Variants in MACROD2 observed in about 807,000 individuals in gnomAD.
The protein encoded by MACROD2 is ADP-ribose glycohydrolase MACROD2.
In MACROD2, 36 loss-of-function variants were observed where a neutral mutation model predicts 70.4. That is an observed-to-expected ratio of 0.51 (90% confidence interval 0.39 to 0.68). The LOEUF (loss-of-function observed/expected upper bound fraction) is 0.68. Among genes scored for constraint, MACROD2 ranks in the 30% least tolerant of loss-of-function variants. MACROD2 has a pLI of 0.00. For synonymous variants in MACROD2, 172 were observed against 178.8 expected (o/e 0.96, Z 0.30); for missense variants, 496 against 538.4 (o/e 0.92, Z 0.78).
chr20:14,040,603 C>T (rs749132708), intron 2 of MACROD2, among the ~76,000 whole-genome samples: 25 of 152,212 alleles, frequency 1.6e-4, no homozygotes, highest in African/African-American at 7.2e-5. Context: ...AGTTAGCTTG[C>T]AGGACTGAAA....
chr20:14,600,681 A>C (rs1169157742), intron 4 of MACROD2, among the ~76,000 whole-genome samples: 2 of 152,172 alleles, frequency 1.3e-5, no homozygotes, highest in Non-Finnish European at 2.9e-5. Flanking sequence ...GAACGCAGGC[A>C]CACAGACTCC....
intron 3 of MACROD2, among the ~76,000 whole-genome samples, chr20:14,138,229 C>T (rs924206774): frequency 2.6e-5 from 4 of 152,098 alleles, no homozygotes; most frequent in Non-Finnish European, 5.9e-5. Context: ...AATAGAACTC[C>T]TATATGATCC....
chr20:14,666,610 A>T (rs567625040), intron 4 of MACROD2, among the ~76,000 whole-genome samples: 1 of 152,214 alleles, frequency 6.6e-6, no homozygotes, highest in Non-Finnish European at 1.5e-5. Flanking sequence ...GAGATTTCAT[A>T]CAAGTGACAC....
At chr20:14,615,349 T>A (rs745797455) in intron 4 of MACROD2, among the ~76,000 whole-genome samples, 1 of 151,892 alleles carries the variant, frequency 6.6e-6, no homozygotes, top group Non-Finnish European at 1.5e-5. Flanking sequence ...TCGAGTGGAG[T>A]GTCACCGCGT....
Position 15,066,580 on chromosome 20 carries a change from TA to T in MACROD2, c.419-163356del, listed in dbSNP as rs545588231. On this transcript the variant is annotated intron_variant, in intron 5 of 17. Transcript: ENST00000684519. ...TATCCCATGATTACACCTTCAGCTT[TA>T]AAAGTGCAGTGAACTCGGCCAGGAG... is the stretch of plus-strand genomic sequence containing the variant. Among the ~76,000 whole-genome samples, 584 of 152,206 alleles carry T rather than the reference TA, an allele frequency of 3.8e-3. 6 individuals are homozygous for T. Among genetic ancestry groups the T allele is most frequent in the Non-Finnish European group, 6.5e-3 (444 of 68,004 alleles).
At chr20:14,396,989 C>CTTTTTT (rs372145747) in intron 3 of MACROD2, among the ~76,000 whole-genome samples, 5 of 96,984 alleles carry the variant, frequency 5.2e-5, no homozygotes, top group Non-Finnish European at 5.5e-5. Context: ...AGACCATTTA[C>CTTTTTT]TTTTTTTTTT....
chr20:15,178,095 A>C (rs1430920385), intron 5 of MACROD2, among the ~76,000 whole-genome samples: 1 of 152,344 alleles, frequency 6.6e-6, no homozygotes, highest in East Asian at 1.9e-4. Flanking sequence ...TATAAAATGT[A>C]AGAAAAATAT....
chr20:14,175,575 G>A lies in MACROD2; in HGVS notation c.271+89847G>A, dbSNP rs1601313732. 2.6e-5 allele frequency among the ~76,000 whole-genome samples: 4 copies of A among 152,280 alleles called. No individual in the cohort carries two copies. In the South Asian group the frequency reaches 6.2e-4, roughly 24 times the overall value. ...CTCATGTGAGACAGGAAGTCTAGAG[G>A]TGTTTGAAGTTAGGCATTCCTCTTC... is the stretch of plus-strand genomic sequence containing the variant. On this transcript the variant is annotated intron_variant, in intron 3 of 17. Transcript: ENST00000684519.
At chr20:14,037,925 G>A (rs997591695) in intron 2 of MACROD2, among the ~76,000 whole-genome samples, 3 of 152,050 alleles carry the variant, frequency 2.0e-5, no homozygotes, top group Admixed American at 6.5e-5. Flanking sequence ...TGAGGTGGGC[G>A]GATTGAGGCC....
At chr20:15,147,404 T>C (rs2076237833) in intron 5 of MACROD2, among the ~76,000 whole-genome samples, 1 of 148,244 alleles carries the variant, frequency 6.7e-6, no homozygotes, top group Non-Finnish European at 1.5e-5. Context: ...AAAGGAGAAC[T>C]CTGTGTGTGT....
At chr20:14,613,130 G>A (rs1983271994) in intron 4 of MACROD2, among the ~76,000 whole-genome samples, 1 of 151,978 alleles carries the variant, frequency 6.6e-6, no homozygotes, top group Non-Finnish European at 1.5e-5. Flanking sequence ...AAAAACAGGG[G>A]TATAGTGGAA....
At chr20:14,599,750 C>G (rs145630909) in intron 4 of MACROD2, among the ~76,000 whole-genome samples, 2 of 152,052 alleles carry the variant, frequency 1.3e-5, no homozygotes, top group Non-Finnish European at 2.9e-5. Context: ...ATAGGGCAGA[C>G]AGTGACAGAA....
At chr20:15,933,731 C>A (rs914787505) in intron 11 of MACROD2, among the ~76,000 whole-genome samples, 1 of 152,172 alleles carries the variant, frequency 6.6e-6, no homozygotes, top group Non-Finnish European at 1.5e-5. Context: ...TTGGCCTGCA[C>A]AGTGAGTAGA....
chr20:14,442,469 A>G (rs2084134501), intron 3 of MACROD2, among the ~76,000 whole-genome samples: 1 of 152,170 alleles, frequency 6.6e-6, no homozygotes, highest in African/African-American at 2.4e-5. Context: ...GCTGGAAGCT[A>G]CAGAGCAAAT....
intron 8 of MACROD2, among the ~76,000 whole-genome samples, chr20:15,791,631 C>T (rs2063625756): frequency 6.6e-6 from 1 of 151,802 alleles, no homozygotes; most frequent in African/African-American, 2.4e-5. Context: ...GCATTGTAAA[C>T]AACCCAAAGC....
intron 3 of MACROD2, 65 bp downstream of exon 3, chr20:14,085,793 A>G: frequency 1.1e-6 from 1 of 902,986 alleles, no homozygotes; most frequent in South Asian, 2.6e-5. Context: ...TTTTAAATAA[A>G]TAAGAATGTA....
chr20:14,062,274 T>C (rs936009313), intron 2 of MACROD2, among the ~76,000 whole-genome samples: 1 of 152,172 alleles, frequency 6.6e-6, no homozygotes, highest in Non-Finnish European at 1.5e-5. Flanking sequence ...GTTTGAGTGT[T>C]TACCATGTGT....
intron 8 of MACROD2, among the ~76,000 whole-genome samples, chr20:15,532,112 C>T (rs1256560241): frequency 2.6e-5 from 4 of 151,942 alleles, no homozygotes; most frequent in Admixed American, 2.6e-4. Context: ...TGGTAAGTGA[C>T]ATTTTAATGA....
chr20:15,301,126 G>A (rs148450059), intron 6 of MACROD2, among the ~76,000 whole-genome samples: 2 of 152,194 alleles, frequency 1.3e-5, no homozygotes, highest in African/African-American at 4.8e-5. Context: ...GTGACCATTC[G>A]CCTGCCTTAC....
Sources: gnomAD v4.1 joint callset for allele counts (sites outside exome capture counted in the v4.1 genomes callset) on GRCh38, gnomAD v4.1.1 for gene constraint, MANE v1.5 for transcripts, NCBI Gene and HGNC (gene_info 2026-07-23, HGNC 2026-07-21) for gene names.